Variants in KATNAL1 observed in about 807,000 individuals in gnomAD.
KATNAL1 encodes katanin catalytic subunit A1 like 1.
KATNAL1 carries 32 observed loss-of-function variants against 55.2 expected under a neutral mutation model. The observed-to-expected ratio is 0.58, with a 90% CI of 0.44 to 0.78. KATNAL1 has a LOEUF of 0.78. Among genes scored for constraint, KATNAL1 ranks in the 30% least tolerant of loss-of-function variants. The probability of loss-of-function intolerance (pLI) is 0.00; values close to 1 mark genes in which losing one functional copy is unlikely to be tolerated. For missense variants in KATNAL1, 466 were observed against 600.9 expected, an observed-to-expected ratio of 0.78 and a Z score of 2.35; for synonymous variants, 193 against 193.6, an observed-to-expected ratio of 1.00 and a Z score of 0.02.
chr13:30,224,854 A>G (rs1385871924), intron 9 of KATNAL1, among the ~76,000 whole-genome samples: 2 of 151,266 alleles, frequency 1.3e-5, no homozygotes, highest in African/African-American at 4.9e-5. Context: ...GTATTATGCC[A>G]ACTTAAGTGA....
chr13:30,255,658 T>C, intron 3 of KATNAL1, 43 bp from the exon 4 acceptor site: 2 of 1,343,714 alleles, frequency 1.5e-6, no homozygotes, highest in Non-Finnish European at 1.9e-6. Context: ...AAAATTAAAA[T>C]TAATCAAAGG....
rs1351197541 is a variant in KATNAL1 at position 30,207,895 on chromosome 13, G to A, written c.*645C>T. 1 of 152,120 alleles carries A rather than the reference G, an allele frequency of 6.6e-6. No individual in the cohort carries two copies. The highest frequency in any genetic ancestry group is 1.5e-5 in the Non-Finnish European group (1 of 68,026). The allele number at this position is 152,120 out of a possible 1,614,324, so 9.4% of individuals were successfully genotyped here. A position where few individuals can be genotyped will look rare whatever the true frequency, so the allele number is the denominator to read the frequency against. The stretch of plus-strand genomic sequence containing the variant: ...CAAAAAATACTAAAGACAGAGAAAT[G>A]ACCTGGCAAAATGATTCAAATACCA... On this transcript the variant is annotated 3_prime_UTR_variant, in exon 11 of 11. Transcript: ENST00000380615.
intron 4 of KATNAL1, among the ~76,000 whole-genome samples, chr13:30,247,505 C>G (rs1877905670): frequency 6.6e-6 from 1 of 152,114 alleles, no homozygotes; most frequent in Non-Finnish European, 1.5e-5. Context: ...GAAACCCCTG[C>G]CCTCATGAGG....
chr13:30,247,732 T>G (rs149544002), intron 4 of KATNAL1, among the ~76,000 whole-genome samples: 21 of 152,296 alleles, frequency 1.4e-4, no homozygotes, highest in Non-Finnish European at 2.8e-4. Context: ...TAGACCATTA[T>G]AAGGACTTGG....
At chr13:30,294,221 A>T (rs1882327311) in intron 1 of KATNAL1, among the ~76,000 whole-genome samples, 1 of 152,244 alleles carries the variant, frequency 6.6e-6, no homozygotes, top group East Asian at 1.9e-4. Flanking sequence ...CAAGCAAGGC[A>T]TGTTGAAAGC....
At chr13:30,226,530 A>C (rs1041619124) in intron 9 of KATNAL1, among the ~76,000 whole-genome samples, 16 of 152,156 alleles carry the variant, frequency 1.1e-4, no homozygotes, top group African/African-American at 3.9e-4. Context: ...TAACAAGAGA[A>C]AGAACTAATC....
At chr13:30,295,475 T>C (rs553605660) in intron 1 of KATNAL1, among the ~76,000 whole-genome samples, 2 of 152,192 alleles carry the variant, frequency 1.3e-5, no homozygotes, top group East Asian at 3.9e-4. Flanking sequence ...TGACAAAACA[T>C]AAACGGGGTA....
At chr13:30,282,757 A>T (rs997942765) in intron 2 of KATNAL1, among the ~76,000 whole-genome samples, 7 of 151,396 alleles carry the variant, frequency 4.6e-5, no homozygotes, top group Middle Eastern at 3.2e-3. Flanking sequence ...GATCGAGACC[A>T]TCCTGGCTAA....
intron 3 of KATNAL1, among the ~76,000 whole-genome samples, chr13:30,261,700 C>A (rs1211432727): frequency 1.3e-5 from 2 of 152,154 alleles, no homozygotes; most frequent in Non-Finnish European, 2.9e-5. Flanking sequence ...AATACAGGAG[C>A]ACCCAGATTC....
intron 9 of KATNAL1, among the ~76,000 whole-genome samples, chr13:30,219,648 AAG>A (rs1874650268): frequency 6.6e-6 from 1 of 152,226 alleles, no homozygotes; most frequent in African/African-American, 2.4e-5. Context: ...ATATAGATAA[AAG>A]AAAAAGAATG....
chr13:30,245,978 A>T (rs753181966), intron 4 of KATNAL1, among the ~76,000 whole-genome samples: 5 of 152,208 alleles, frequency 3.3e-5, no homozygotes, highest in Non-Finnish European at 5.9e-5. Flanking sequence ...TGCCCAACGT[A>T]ATTTACAGAT....
At chr13:30,241,856 T>G (rs1481991347) in intron 4 of KATNAL1, among the ~76,000 whole-genome samples, 2 of 152,180 alleles carry the variant, frequency 1.3e-5, no homozygotes, top group Admixed American at 1.3e-4. Flanking sequence ...GATGCTCTGG[T>G]TCCTTCAAGC....
Position 30,210,416 on chromosome 13 carries a change from T to A in KATNAL1, c.1174A>T (p.Ile392Phe), listed in dbSNP as rs1303846185. The A allele has an allele frequency of 6.2e-7, 1 of 1,606,094 alleles. No homozygotes were observed. The highest frequency in any genetic ancestry group is 1.1e-5 in the South Asian group (1 of 89,612). ...TAKGRAELLKINLREVELDPD... is the reference protein window; with the variant it reads ...TAKGRAELLKFNLREVELDPD... ...TCTAATTCGACCTCACGAAGGTTGATCTTCAGAAGCTCAGCTCTTCCTTTT... is the reference window on the plus strand; with the variant it reads ...TCTAATTCGACCTCACGAAGGTTGAACTTCAGAAGCTCAGCTCTTCCTTTT... The change falls in exon 10 of 11, where the codon ATC (isoleucine) becomes TTC (phenylalanine). Residue 392 changes from isoleucine (I) to phenylalanine (F), a missense_variant. Ile to Phe is a conservative substitution (Grantham distance 21, BLOSUM62 0). Around this residue, in one of 3 missense-constraint regions of KATNAL1, gnomAD observed 213 missense variants for 308.6 expected, o/e 0.69. Transcript: ENST00000380615.
At chr13:30,283,491 T>G (rs1881557765) in intron 2 of KATNAL1, 125 bp downstream of exon 2, 1 of 694,260 alleles carries the variant, frequency 1.4e-6, no homozygotes, top group Admixed American at 2.7e-5. Context: ...TAAATGTATT[T>G]CAGTATTGAG....
chr13:30,248,925 G>A (rs1475449161), intron 4 of KATNAL1, among the ~76,000 whole-genome samples: 1 of 152,200 alleles, frequency 6.6e-6, no homozygotes, highest in East Asian at 1.9e-4. Context: ...CGGGCGTGGT[G>A]GTGGGCACCT....
At chr13:30,269,668 C>T (rs934173332) in intron 3 of KATNAL1, among the ~76,000 whole-genome samples, 3 of 149,018 alleles carry the variant, frequency 2.0e-5, no homozygotes, top group Non-Finnish European at 4.5e-5. Context: ...ATGTGAGGAG[C>T]GCCTCTACCC....
Position 30,301,531 on chromosome 13 carries a change from T to C in KATNAL1, c.-15+5800A>G, listed in dbSNP as rs183449928. ...TTATCTCATCTAATCCTTATAACAC[T>C]ACAAAACAGTAACAGTTACCCACCA... On this transcript the variant is annotated intron_variant, in intron 1 of 10. Coordinates refer to ENST00000380615, the MANE Select transcript of KATNAL1 (RefSeq NM_032116.5). Among the ~76,000 whole-genome samples, 7 of 152,238 alleles carry C rather than the reference T, an allele frequency of 4.6e-5. No individual in the cohort carries two copies. In the South Asian group the frequency reaches 1.0e-3, roughly 23 times the overall value.
intron 9 of KATNAL1, among the ~76,000 whole-genome samples, chr13:30,225,554 A>G (rs1875370696): frequency 6.6e-6 from 1 of 152,162 alleles, no homozygotes; most frequent in African/African-American, 2.4e-5. Context: ...AATAATTTTC[A>G]ATGAAGGTGC....
chr13:30,215,886 T>C (rs1018877094), intron 9 of KATNAL1, among the ~76,000 whole-genome samples: 4 of 152,102 alleles, frequency 2.6e-5, no homozygotes, highest in South Asian at 4.1e-4. Context: ...GTAACTAACC[T>C]GCCCATTGTG....
Sources: allele counts gnomAD v4.1 joint callset (sites outside exome capture counted in the v4.1 genomes callset), GRCh38; gene constraint gnomAD v4.1.1; regional missense constraint gnomAD v4.1.1; transcripts MANE v1.5; gene names NCBI Gene and HGNC (gene_info 2026-07-23, HGNC 2026-07-21).